Variants in KIF3C observed in about 807,000 individuals in gnomAD.
KIF3C encodes kinesin family member 3C.
A neutral mutation model predicts 67.7 loss-of-function variants in KIF3C; 12 were observed. The observed-to-expected ratio is 0.18, with a 90% CI of 0.11 to 0.29. The LOEUF is 0.29. KIF3C is among the 10% of genes least tolerant of loss of function. The pLI, the probability that KIF3C is intolerant of heterozygous loss-of-function variation, is 1.00. For synonymous variants in KIF3C, 393 were observed against 426.2 expected (o/e 0.92, Z 0.96); for missense variants, 789 against 1,059.6 (o/e 0.74, Z 3.55).
At chr2:25,972,128 C>T (rs1335232113) in intron 1 of KIF3C, among the ~76,000 whole-genome samples, 1 of 151,942 alleles carries the variant, frequency 6.6e-6, no homozygotes, top group Non-Finnish European at 1.5e-5. Context: ...AAAAGTGCCC[C>T]TCTCTATCTG....
At chr2:25,954,506 G>C (rs747211947) in intron 3 of KIF3C, 121 bp from the exon 4 acceptor site, 28 of 717,134 alleles carry the variant, frequency 3.9e-5, no homozygotes, top group Non-Finnish European at 5.9e-5. Context: ...ATGAGGCTGC[G>C]GGTCCTTTTC....
At chr2:25,952,643 C>T (rs942446040) in intron 4 of KIF3C, among the ~76,000 whole-genome samples, 1 of 151,594 alleles carries the variant, frequency 6.6e-6, no homozygotes, top group Non-Finnish European at 1.5e-5. Flanking sequence ...CTGCAACCTC[C>T]ACCTCCTGGG....
chr2:25,929,016 C>A lies in KIF3C; in HGVS notation c.2344G>T (p.Ala782Ser), dbSNP rs772799190. The change falls in exon 8 of 8, where the codon GCT (alanine) becomes TCT (serine). Residue 782 changes from alanine to serine, a missense_variant. This residue lies in a region of KIF3C where 648 missense variants were observed against 807.8 expected (regional missense o/e 0.80). Transcript: ENST00000264712. The part of the protein sequence containing the change: ...PSTTHASLAS[A>S]SLRPATVADH... ...GCCACTGTTGCAGGGCGCAGAGAAG[C>A]AGAGGCCAGGGAGGCATGTGTGGTG... 1 of 1,613,844 alleles carries A rather than the reference C, an allele frequency of 6.2e-7. No homozygotes were observed. The highest frequency in any genetic ancestry group is 1.1e-5 in the South Asian group (1 of 91,078).
At chr2:25,962,836 AAT>A (rs1491159619) in intron 1 of KIF3C, among the ~76,000 whole-genome samples, 3 of 58,298 alleles carry the variant, frequency 5.1e-5, no homozygotes, top group Non-Finnish European at 8.8e-5. Flanking sequence ...AAATATATAA[AAT>A]ATATAATATA....
At chr2:25,953,710 G>A (rs1400043564) in intron 4 of KIF3C, among the ~76,000 whole-genome samples, 21 of 142,276 alleles carry the variant, frequency 1.5e-4, no homozygotes, top group Middle Eastern at 3.8e-3. Context: ...TCGCTCTGTC[G>A]CCCAGGCTGG....
intron 6 of KIF3C, 147 bp downstream of exon 6, chr2:25,929,808 G>C (rs916495005): frequency 7.9e-6 from 5 of 631,772 alleles, no homozygotes; most frequent in African/African-American, 3.6e-5. Context: ...TAGAGACAGG[G>C]GTTCACCATG....
rs1307486286 is a variant in KIF3C, at chr2:25,958,492, A to C, written c.1546-2048T>G. 6.6e-6 allele frequency among the ~76,000 whole-genome samples: 1 copy of C among 152,028 alleles called. No individual in the cohort carries two copies. Among genetic ancestry groups the C allele is most frequent in the African/African-American group, 2.4e-5 (1 of 41,388 alleles). The stretch of plus-strand genomic sequence containing the variant: ...GATACTCAGGAGGCTGAGGCAGGAG[A>C]ATCGGTTGAACTAGGGAGGCAGAGG... On this transcript the variant is annotated intron_variant, in intron 1 of 7. Transcript: ENST00000264712. This position sits in a 1 kb window ranked among gnomAD's most constrained non-coding sequence, Gnocchi z 4.5.
chr2:25,930,888 G>A (rs1044858661), intron 5 of KIF3C, among the ~76,000 whole-genome samples: 3 of 151,930 alleles, frequency 2.0e-5, no homozygotes, highest in Non-Finnish European at 2.9e-5. Flanking sequence ...GTTTTACCAC[G>A]TTGGCCAAGC....
At chr2:25,931,895 A>T (rs2090462073) in intron 5 of KIF3C, among the ~76,000 whole-genome samples, 1 of 148,346 alleles carries the variant, frequency 6.7e-6, no homozygotes, top group Non-Finnish European at 1.5e-5. Context: ...TGGCCTCCCA[A>T]AGTACTGGGA....
rs72088886 is a variant in KIF3C at position 25,963,665 on chromosome 2, GTATTATTATTATTAT to G, written c.1546-7236_1546-7222del. Among the ~76,000 whole-genome samples the G allele has an allele frequency of 1.5e-3, 186 of 125,858 alleles. 2 individuals are homozygous for G. Among genetic ancestry groups the G allele is most frequent in the Middle Eastern group, 4.3e-3 (1 of 232 alleles). 82.6% of individuals were successfully genotyped at this position (125,858 alleles called of 152,430 possible). A position where few individuals can be genotyped will look rare whatever the true frequency, so the allele number is the denominator to read the frequency against. On this transcript the variant is annotated intron_variant, in intron 1 of 7. Transcript: ENST00000264712. ...TTTATTACAGCATCATAGGCATGAAGTATTATTATTATTATTATTATTATTATTATTATTATTATT... is the reference window on the plus strand; with the variant it reads ...TTTATTACAGCATCATAGGCATGAAGTATTATTATTATTATTATTATTATT...
intron 5 of KIF3C, among the ~76,000 whole-genome samples, chr2:25,949,940 C>A (rs1489427633): frequency 6.6e-6 from 1 of 151,642 alleles, no homozygotes; most frequent in African/African-American, 2.4e-5. Flanking sequence ...CACTGCACTC[C>A]AGCCTGGGCG....
In KIF3C at chr2:25,962,369, G is replaced by GT. The variant is rs957098002; in HGVS notation, c.1546-5926dup. Among the ~76,000 whole-genome samples, 830 of 150,930 alleles carry GT rather than the reference G, an allele frequency of 5.5e-3. 6 individuals carry two copies. The highest frequency in any genetic ancestry group is 0.018 in the African/African-American group (752 of 41,162). On this transcript the variant is annotated intron_variant, in intron 1 of 7. Coordinates refer to ENST00000264712, the MANE Select transcript of KIF3C (RefSeq NM_002254.8). Reference sequence around the variant, plus strand: ...TACTTGGTTTCTTTCATTTTCCCTGGTTTTTTTTTGTTTGTTTTTGTTTTT... The same window carrying GT: ...TACTTGGTTTCTTTCATTTTCCCTGGTTTTTTTTTTGTTTGTTTTTGTTTTT...
At position 25,980,794 on chromosome 2, in the gene KIF3C, G is replaced by A. The variant is rs1205256224; in HGVS notation, c.1124C>T (p.Pro375Leu). The A allele has an allele frequency of 3.7e-6, 6 of 1,614,178 alleles. No individual in the cohort carries two copies. Among genetic ancestry groups the A allele is most frequent in the Non-Finnish European group, 5.1e-6 (6 of 1,180,028 alleles). ...GAATTCCCGCAGCAGTGTGTCCTTG[G>A]GGTCCTCGTTCACCCGGGGCTTGTT... is the stretch of plus-strand genomic sequence containing the variant. ...IKNKPRVNED[P>L]KDTLLREFQE... Residue 375 changes from proline (P) to leucine (L), a missense_variant, in exon 1 of 8, where the codon CCC becomes CTC. Pro to Leu is a moderately conservative substitution (Grantham distance 98). Coordinates refer to ENST00000264712, the MANE Select transcript of KIF3C (RefSeq NM_002254.8). This position sits in a 1 kb window ranked among gnomAD's most constrained non-coding sequence, Gnocchi z 7.6.
chr2:25,962,888 T>C (rs867454786), intron 1 of KIF3C, among the ~76,000 whole-genome samples: 2 of 62,888 alleles, frequency 3.2e-5, no homozygotes, highest in South Asian at 3.5e-4. Context: ...AAAATATATA[T>C]AATATAAAAT....
chr2:25,937,668 G>A (rs1051180414), intron 5 of KIF3C, among the ~76,000 whole-genome samples: 8 of 152,220 alleles, frequency 5.3e-5, no homozygotes. Flanking sequence ...AAAGAAGACT[G>A]AGGCTCAGGG....
intron 1 of KIF3C, among the ~76,000 whole-genome samples, chr2:25,961,963 A>AG (rs71278695): frequency 2.0e-5 from 3 of 150,202 alleles, no homozygotes; most frequent in African/African-American, 7.4e-5. Context: ...AAAAAAAAAA[A>AG]GACTCTGTTC....
At chr2:25,945,549 A>G (rs1404460934) in intron 5 of KIF3C, among the ~76,000 whole-genome samples, 1 of 143,932 alleles carries the variant, frequency 6.9e-6, no homozygotes, top group African/African-American at 2.6e-5. Flanking sequence ...CCTGGGTGAC[A>G]GAGTGAGAAT....
chr2:25,951,581 A>G, intron 5 of KIF3C: 2 of 510,954 alleles, frequency 3.9e-6, no homozygotes, highest in Non-Finnish European at 7.0e-6. Flanking sequence ...GGCCAATGAG[A>G]CACTTTTTTT....
intron 6 of KIF3C, among the ~76,000 whole-genome samples, 173 bp downstream of exon 6, chr2:25,929,782 A>AT (rs2090443180): frequency 7.3e-6 from 1 of 137,866 alleles, no homozygotes; most frequent in Non-Finnish European, 1.5e-5. Flanking sequence ...CGCCTGGCTA[A>AT]TTTTTGTATT....
Sources: gnomAD v4.1 joint callset for allele counts (sites outside exome capture counted in the v4.1 genomes callset) on GRCh38, gnomAD v4.1.1 for gene constraint, gnomAD v4.1.1 regional missense constraint, Gnocchi (gnomAD v3.1) non-coding constraint, MANE v1.5 for transcripts, NCBI Gene and HGNC (gene_info 2026-07-23, HGNC 2026-07-21) for gene names.